RIC3: variants seen among roughly 807,000 people sequenced by gnomAD.
RIC3 encodes the protein RIC3 acetylcholine receptor chaperone.
In RIC3, 28 loss-of-function variants were observed where a neutral mutation model predicts 27.3. The observed-to-expected ratio is 1.02, with a 90% CI of 0.76 to 1.41. The LOEUF is 1.41. Among genes scored for constraint, RIC3 ranks in the 40% most tolerant of loss-of-function variants. The pLI is 0.00. For synonymous variants in RIC3, 184 were observed against 160.4 expected, an observed-to-expected ratio of 1.15 and a Z score of -1.11; for missense variants, 501 against 444.7, an observed-to-expected ratio of 1.13 and a Z score of -1.14.
At chr11:8,129,622 C>T (rs894781504) in intron 4 of RIC3, among the ~76,000 whole-genome samples, 57 of 152,148 alleles carry the variant, frequency 3.7e-4, no homozygotes, top group Non-Finnish European at 8.8e-5. Context: ...TTGGGAAACA[C>T]CCTCACCAGA....
the RIC3 span, chr11:8,097,651 C>T: frequency 6.9e-7 from 1 of 1,438,922 alleles, no homozygotes; most frequent in East Asian, 2.3e-5. Flanking sequence ...GTGTGAGTGG[C>T]TCTCATGACT....
chr11:8,148,519 A>G (rs1413223371), intron 1 of RIC3, among the ~76,000 whole-genome samples: 1 of 152,210 alleles, frequency 6.6e-6, no homozygotes. Context: ...TGAGAATACT[A>G]TCTTCAAATC....
downstream of RIC3, chr11:8,104,870 C>T (rs1297880281): frequency 6.6e-6 from 1 of 150,992 alleles, no homozygotes; most frequent in Non-Finnish European, 1.5e-5. Context: ...TATAAGAGAA[C>T]TTTCGGAGCC....
the RIC3 span, among the ~76,000 whole-genome samples, chr11:8,093,883 G>C: frequency 2.0e-5 from 3 of 152,162 alleles, no homozygotes; most frequent in Non-Finnish European, 4.4e-5. Flanking sequence ...GCCTAGTAGA[G>C]ATGAGTGGGC....
the RIC3 span, chr11:8,094,182 G>A: frequency 1.9e-6 from 3 of 1,612,264 alleles, no homozygotes; most frequent in South Asian, 3.3e-5. Flanking sequence ...AGAAGGGAAA[G>A]CACAAAGGTC....
intron 1 of RIC3, among the ~76,000 whole-genome samples, chr11:8,163,709 T>A (rs898363350): frequency 6.6e-6 from 1 of 151,592 alleles, no homozygotes; most frequent in East Asian, 1.9e-4. Context: ...CCTAGATAAA[T>A]AAAAAAGAAA....
In RIC3 at chr11:8,145,406, T is replaced by C. The variant is rs576885927; in HGVS notation, c.125-5213A>G. On this transcript the variant is annotated intron_variant, in intron 1 of 5. Transcript: ENST00000309737. ...GCAGACCATTTCTCTAGCTCCTTTG[T>C]GCACACAGGGGAAGATGGTCGCCCC... Among the ~76,000 whole-genome samples the C allele has an allele frequency of 2.4e-4, 37 of 152,254 alleles. No individual in the cohort carries two copies. In the South Asian group the frequency reaches 7.7e-3, roughly 32 times the overall value.
intron 5 of RIC3, among the ~76,000 whole-genome samples, chr11:8,117,721 A>G (rs1358129169): frequency 6.6e-6 from 1 of 152,222 alleles, no homozygotes; most frequent in Non-Finnish European, 1.5e-5. Context: ...ATCCTTAAGT[A>G]TGTGAGGTAA....
chr11:8,138,572 T>G (rs759833750), intron 2 of RIC3: 2 of 483,506 alleles, frequency 4.1e-6, no homozygotes, highest in Non-Finnish European at 7.2e-6. Context: ...TAGAGATTCC[T>G]CTTCAAAGAG....
intron 1 of RIC3, among the ~76,000 whole-genome samples, chr11:8,167,825 T>A (rs1286604986): frequency 6.6e-6 from 1 of 152,152 alleles, no homozygotes; most frequent in Admixed American, 6.5e-5. Context: ...CCGTCCCAAG[T>A]GGATAGTCTT....
chr11:8,155,174 T>C (rs1464833162), intron 1 of RIC3, among the ~76,000 whole-genome samples: 4 of 137,944 alleles, frequency 2.9e-5, no homozygotes, highest in Non-Finnish European at 6.0e-5. Flanking sequence ...TGAGCTATGA[T>C]CACACCACCG....
intron 1 of RIC3, among the ~76,000 whole-genome samples, chr11:8,162,185 C>T (rs1590405855): frequency 6.6e-6 from 1 of 152,250 alleles, no homozygotes; most frequent in African/African-American, 2.4e-5. Flanking sequence ...AGAGCTAGAG[C>T]CCCAGTGTGA....
At chr11:8,094,052 A>G in the RIC3 span, 1 of 1,614,084 alleles carries the variant, frequency 6.2e-7, no homozygotes, top group Non-Finnish European at 8.5e-7. Context: ...GCAGTTCAAG[A>G]GGCCGACTCA....
chr11:8,110,977 A>G lies in RIC3; in HGVS notation c.831T>C (p.Gly277=), dbSNP rs1945187563. The G allele has an allele frequency of 6.2e-7, 1 of 1,614,146 alleles. No individual in the cohort carries two copies. The highest frequency in any genetic ancestry group is 8.5e-7 in the Non-Finnish European group (1 of 1,180,026). The part of the protein sequence containing the change: ...MIEEEESDHL[G]WESLPTDPRA... ...TGGGGTCAGTGGGCAGACTTTCCCA[A>G]CCCAAATGATCTGATTCTTCCTCTT... The change falls in exon 6 of 6, where the codon GGT becomes GGC. Residue 277 remains glycine (G), a synonymous_variant. Transcript: ENST00000309737.
At chr11:8,095,596 G>A in the RIC3 span, 1 of 1,612,902 alleles carries the variant, frequency 6.2e-7, no homozygotes, top group African/African-American at 1.3e-5. Context: ...CCAGGACGCA[G>A]GGGAGACGGC....
At chr11:8,146,727 G>C (rs761810347) in intron 1 of RIC3, among the ~76,000 whole-genome samples, 1 of 152,182 alleles carries the variant, frequency 6.6e-6, no homozygotes, top group Admixed American at 6.5e-5. Context: ...TTGAAAGGCG[G>C]GGCGGGGTGG....
At chr11:8,133,462 A>G (rs866177481) in intron 4 of RIC3, among the ~76,000 whole-genome samples, 4 of 152,204 alleles carry the variant, frequency 2.6e-5, no homozygotes, top group Non-Finnish European at 2.9e-5. Context: ...CACATCTGAG[A>G]ACTAAAAAAT....
intron 1 of RIC3, among the ~76,000 whole-genome samples, chr11:8,145,632 A>C (rs911315427): frequency 3.9e-5 from 6 of 152,128 alleles, no homozygotes; most frequent in African/African-American, 1.4e-4. Flanking sequence ...GTGGAAGAGC[A>C]GGGCTTGTGG....
In RIC3 at chr11:8,111,783, A is replaced by C. The variant is rs980567579; in HGVS notation, c.671-646T>G. On this transcript the variant is annotated intron_variant, in intron 5 of 5. Coordinates refer to ENST00000309737, the MANE Select transcript of RIC3 (RefSeq NM_001206671.4). ...AACAAAAGAAAACAACAAACTGGCA[A>C]ACAAAATGAGTAACACTGGTACTGA... Among the ~76,000 whole-genome samples the C allele has an allele frequency of 1.5e-4, 23 of 152,380 alleles. 1 individual carries two copies. Among genetic ancestry groups the C allele is most frequent in the African/African-American group, 5.5e-4 (23 of 41,588 alleles).
Sources: gnomAD v4.1 joint callset for allele counts (sites outside exome capture counted in the v4.1 genomes callset) on GRCh38, gnomAD v4.1.1 for gene constraint, MANE v1.5 for transcripts, NCBI Gene and HGNC (gene_info 2026-07-23, HGNC 2026-07-21) for gene names.